The following PTPRN2 variants were observed in gnomAD, a reference collection of about 807,000 sequenced individuals.
PTPRN2 encodes protein tyrosine phosphatase receptor type N2, also known as receptor-type tyrosine-protein phosphatase N2.
In PTPRN2, 74 loss-of-function variants were observed where a neutral mutation model predicts 118.8. The observed-to-expected ratio is 0.62, with a 90% confidence interval of 0.52 to 0.76. The LOEUF is 0.76. PTPRN2 is among the 30% of genes least tolerant of loss of function. The probability of loss-of-function intolerance (pLI) is 0.00; values close to 1 mark genes in which losing one functional copy is unlikely to be tolerated. For missense variants in PTPRN2, 1,481 were observed against 1,394.4 expected (o/e 1.06, Z -0.99); for synonymous variants, 641 against 608.0 (o/e 1.05, Z -0.80).
rs909208115 is a variant in PTPRN2 at position 157,730,122 on chromosome 7, C to T, written c.1789-47185G>A. Among the ~76,000 whole-genome samples, 3 of 152,114 alleles carry T rather than the reference C, an allele frequency of 2.0e-5. No individual in the cohort carries two copies. In the South Asian group the frequency reaches 6.2e-4, roughly 32 times the overall value. On this transcript the variant is annotated intron_variant, in intron 12 of 22. Transcript: ENST00000389418. ...AAATTTTAACCAAGTAGGGACAGAGCCTGGCAATTCTGGGTTCTGAGACCC... is the reference window on the plus strand; with the variant it reads ...AAATTTTAACCAAGTAGGGACAGAGTCTGGCAATTCTGGGTTCTGAGACCC...
chr7:158,299,300 A>ATTT (rs35390191), intron 3 of PTPRN2, among the ~76,000 whole-genome samples: 18 of 144,180 alleles, frequency 1.2e-4, no homozygotes, highest in Non-Finnish European at 2.0e-4. Context: ...TCAGGAAGCA[A>ATTT]TTTTTTTTTT....
intron 11 of PTPRN2, among the ~76,000 whole-genome samples, chr7:158,071,531 CGTG>C (rs1481750031): frequency 2.5e-5 from 2 of 80,066 alleles, no homozygotes; most frequent in African/African-American, 4.9e-5. Context: ...TGGAGATGCT[CGTG>C]ATGATGGAGG....
rs761365531 is a variant in PTPRN2 at position 158,192,447 on chromosome 7, G to A, written c.429C>T (p.Gly143=). 5.7e-6 allele frequency: 9 copies of A among 1,566,478 alleles called. No homozygotes were observed. The highest frequency in any genetic ancestry group is 1.4e-5 in the African/African-American group (1 of 71,678). ...GGAGGGCGTTGGCCAGGGCAGCACC[G>A]CCCTCCCGACTGTACCTCCTCTCGC... ...VGSERRYSRE[G]GAALANALRR... is the part of the protein sequence containing the mutation. Residue 143 remains glycine, a synonymous_variant, in exon 5 of 23, where the codon GGC becomes GGT. Coordinates refer to ENST00000389418, the MANE Select transcript of PTPRN2 (RefSeq NM_002847.5).
chr7:158,569,666 T>TGACTGACAGG (rs1452237994), intron 1 of PTPRN2, among the ~76,000 whole-genome samples: 7,030 of 120,496 alleles, frequency 0.058, 1,252 homozygotes, highest in East Asian at 0.13. Flanking sequence ...CGAGGCCGCC[T>TGACTGACAGG]AACTGACAGG....
At chr7:158,345,841 C>A (rs979256260) in intron 2 of PTPRN2, among the ~76,000 whole-genome samples, 1 of 152,122 alleles carries the variant, frequency 6.6e-6, no homozygotes, top group Non-Finnish European at 1.5e-5. Flanking sequence ...GAAGGAGAAG[C>A]AAGCACCTTC....
chr7:157,654,838 A>C (rs1425344051), intron 14 of PTPRN2, among the ~76,000 whole-genome samples: 1 of 152,212 alleles, frequency 6.6e-6, no homozygotes, highest in Non-Finnish European at 1.5e-5. Flanking sequence ...ACACAATGAG[A>C]GCTCGCTAAG....
chr7:157,977,305 A>T lies in PTPRN2; in HGVS notation c.1724-78568T>A, dbSNP rs375839891. ...TGGTGGCACTGATCCAAATTCAATGAACAAGGTGATTTCTGATCAGGGCTC... is the reference window on the plus strand; with the variant it reads ...TGGTGGCACTGATCCAAATTCAATGTACAAGGTGATTTCTGATCAGGGCTC... On this transcript the variant is annotated intron_variant, in intron 11 of 22. Coordinates refer to ENST00000389418, the MANE Select transcript of PTPRN2 (RefSeq NM_002847.5). This position sits in a 1 kb window ranked among gnomAD's most constrained non-coding sequence, Gnocchi z 4.6. Among the ~76,000 whole-genome samples the T allele has an allele frequency of 6.6e-6, 1 of 151,916 alleles. No individual in the cohort carries two copies. Among genetic ancestry groups the T allele is most frequent in the Non-Finnish European group, 1.5e-5 (1 of 67,948 alleles).
chr7:158,346,414 A>G (rs968754658), intron 2 of PTPRN2, among the ~76,000 whole-genome samples: 1 of 152,072 alleles, frequency 6.6e-6, no homozygotes, highest in African/African-American at 2.4e-5. Context: ...GGCTTATTTC[A>G]CTCAGCGTAA....
intron 12 of PTPRN2, among the ~76,000 whole-genome samples, chr7:157,738,765 C>T (rs1403415518): frequency 1.3e-5 from 2 of 151,958 alleles, no homozygotes; most frequent in African/African-American, 2.4e-5. Context: ...TTTCTGGACA[C>T]GTGTTTTAGG....
intron 12 of PTPRN2, among the ~76,000 whole-genome samples, chr7:157,804,148 G>A (rs1369025322): frequency 1.3e-5 from 2 of 152,176 alleles, no homozygotes; most frequent in African/African-American, 2.4e-5. Context: ...CCCTTATTTC[G>A]TAGCATCTAA....
At position 157,662,754 on chromosome 7, in the gene PTPRN2, C is replaced by T. The variant is rs79169477; in HGVS notation, c.2002-6203G>A. Among the ~76,000 whole-genome samples, 1,593 of 152,294 alleles carry T rather than the reference C, an allele frequency of 0.01. 61 individuals carry two copies. In the South Asian group the frequency reaches 0.11, roughly 10 times the overall value. On this transcript the variant is annotated intron_variant, in intron 13 of 22. Coordinates refer to ENST00000389418, the MANE Select transcript of PTPRN2 (RefSeq NM_002847.5). ...TGGGTGGGCAGTGCTGCGGGCACAG[C>T]GCTCTGCATCCATGCCGCGACTGCT...
At chr7:157,723,289 T>G (rs1799347348) in intron 12 of PTPRN2, among the ~76,000 whole-genome samples, 1 of 152,270 alleles carries the variant, frequency 6.6e-6, no homozygotes, top group East Asian at 1.9e-4. Context: ...CGGGGACAGC[T>G]CTGGTCTGGC....
chr7:158,387,577 A>ACTCTCTGG (rs1586542379), intron 2 of PTPRN2, among the ~76,000 whole-genome samples: 1 of 151,184 alleles, frequency 6.6e-6, no homozygotes, highest in African/African-American at 2.4e-5. Flanking sequence ...CTGTCAGCTC[A>ACTCTCTGG]GCTTGGCCCG....
At chr7:158,330,138 G>A (rs13309313) in intron 2 of PTPRN2, among the ~76,000 whole-genome samples, 25 of 101,376 alleles carry the variant, frequency 2.5e-4, no homozygotes, top group African/African-American at 7.3e-4. Flanking sequence ...ACCCGCAGAC[G>A]TCACTCACAC....
chr7:158,228,184 A>G (rs537324208), intron 3 of PTPRN2, among the ~76,000 whole-genome samples: 3 of 152,326 alleles, frequency 2.0e-5, no homozygotes, highest in Admixed American at 6.5e-5. Context: ...TCACTTTTAC[A>G]TTGAAAACAG....
In PTPRN2 at chr7:157,671,685, T is replaced by C. The variant is rs1218517482; in HGVS notation, c.2001+11040A>G. ...GCATGCGGGCTGGGGGCGGAGCGGCTACTGGAGCAGCTGCTTCTCCATTTT... is the reference window on the plus strand; with the variant it reads ...GCATGCGGGCTGGGGGCGGAGCGGCCACTGGAGCAGCTGCTTCTCCATTTT... On this transcript the variant is annotated intron_variant, in intron 13 of 22. Transcript: ENST00000389418. The surrounding 1 kb of genome is among the most constrained non-coding windows in gnomAD (Gnocchi z 4.1). Among the ~76,000 whole-genome samples, 1 of 152,130 alleles carries C rather than the reference T, an allele frequency of 6.6e-6. No homozygotes were observed. The highest frequency in any genetic ancestry group is 1.5e-5 in the Non-Finnish European group (1 of 68,032).
At chr7:157,830,092 C>A (rs1336899364) in intron 12 of PTPRN2, among the ~76,000 whole-genome samples, 1 of 136,246 alleles carries the variant, frequency 7.3e-6, no homozygotes, top group East Asian at 2.7e-4. Flanking sequence ...GGATGGTGTC[C>A]TTGACCTCCT....
At position 157,574,789 on chromosome 7, in the gene PTPRN2, A is replaced by G. The variant is rs1402102300; in HGVS notation, c.2783+1824T>C. ...TGAAATCGGGGTGGCTATTTTATAC[A>G]GAAAACCAGCCACCGGCAATGCTTG... On this transcript the variant is annotated intron_variant, in intron 19 of 22. Transcript: ENST00000389418. Among the ~76,000 whole-genome samples, 4 of 152,228 alleles carry G rather than the reference A, an allele frequency of 2.6e-5. No homozygotes were observed. In the East Asian group the frequency reaches 7.7e-4, roughly 29 times the overall value.
chr7:158,489,317 C>T (rs1014468371), intron 2 of PTPRN2, among the ~76,000 whole-genome samples: 5 of 152,320 alleles, frequency 3.3e-5, no homozygotes, highest in African/African-American at 9.6e-5. Context: ...TGCAGTGGCG[C>T]ACGCCTGTAA....
Sources: allele counts gnomAD v4.1 joint callset (sites outside exome capture counted in the v4.1 genomes callset), GRCh38; gene constraint gnomAD v4.1.1; non-coding constraint Gnocchi (gnomAD v3.1); transcripts MANE v1.5; gene names NCBI Gene and HGNC (gene_info 2026-07-23, HGNC 2026-07-21).